Variants in RNF13 observed in about 807,000 individuals in gnomAD.
The protein encoded by RNF13 is E3 ubiquitin-protein ligase RNF13.
In RNF13, 19 loss-of-function variants were observed where a neutral mutation model predicts 37.7. That is an observed-to-expected ratio of 0.50 (90% CI 0.35 to 0.74). The LOEUF is 0.74. RNF13 is among the 30% of genes least tolerant of loss of function. The probability of loss-of-function intolerance (pLI) is 0.01; values close to 1 mark genes in which losing one functional copy is unlikely to be tolerated. For synonymous variants in RNF13, 144 were observed against 157.8 expected (o/e 0.91, Z 0.65); for missense variants, 375 against 453.0 (o/e 0.83, Z 1.56).
chr3:149,847,818 T>C (rs1722783100), intron 2 of RNF13, among the ~76,000 whole-genome samples: 1 of 152,198 alleles, frequency 6.6e-6, no homozygotes, highest in South Asian at 2.1e-4. Flanking sequence ...CCATTTTGTG[T>C]CTCTCTTTTT....
At chr3:149,847,647 G>A (rs1286760634) in intron 2 of RNF13, among the ~76,000 whole-genome samples, 2 of 152,026 alleles carry the variant, frequency 1.3e-5, no homozygotes, top group African/African-American at 4.8e-5. Context: ...TGGAAATAGA[G>A]CCTTTAAAGA....
rs551456741 is a variant in RNF13, at chr3:149,887,120, G to A, written c.322-8353G>A. On this transcript the variant is annotated intron_variant, in intron 4 of 9. Coordinates refer to ENST00000392894, the MANE Select transcript of RNF13 (RefSeq NM_183381.3). ...CTGACACCACCCTTCTTCATTCCCC[G>A]CCCGCTTCCCGGCAGCAACCACGCA... is the stretch of plus-strand genomic sequence containing the variant. Among the ~76,000 whole-genome samples the A allele has an allele frequency of 3.9e-5, 6 of 152,186 alleles. No homozygotes were observed. The South Asian group carries it at 1.0e-3, about 26-fold the overall frequency.
intron 7 of RNF13, among the ~76,000 whole-genome samples, chr3:149,915,373 T>G (rs1220215140): frequency 6.6e-6 from 1 of 152,170 alleles, no homozygotes; most frequent in Non-Finnish European, 1.5e-5. Context: ...GGGGCCACCT[T>G]GACATCAAAA....
chr3:149,819,476 C>T (rs1462342669), intron 1 of RNF13, among the ~76,000 whole-genome samples: 1 of 152,160 alleles, frequency 6.6e-6, no homozygotes. Flanking sequence ...AGTCACTTGC[C>T]TCTGATATTG....
chr3:149,858,780 CT>C (rs1422638464), intron 3 of RNF13, among the ~76,000 whole-genome samples: 1 of 152,194 alleles, frequency 6.6e-6, no homozygotes, highest in East Asian at 1.9e-4. Flanking sequence ...TTTATTTCCC[CT>C]CATCATTATT....
intron 1 of RNF13, among the ~76,000 whole-genome samples, chr3:149,828,071 C>T (rs754068305): frequency 4.6e-5 from 7 of 151,748 alleles, no homozygotes; most frequent in South Asian, 2.1e-4. Context: ...GAACTAAGTG[C>T]GAGTCATTGG....
intron 6 of RNF13, 27 bp downstream of exon 6, chr3:149,902,189 T>C (rs765458697): frequency 3.7e-6 from 4 of 1,082,460 alleles, no homozygotes; most frequent in Non-Finnish European, 4.0e-6. Flanking sequence ...AAAAATCATG[T>C]TGCTTAAAAT....
At chr3:149,849,493 G>C (rs1167185183) in intron 2 of RNF13, among the ~76,000 whole-genome samples, 3 of 152,166 alleles carry the variant, frequency 2.0e-5, no homozygotes, top group African/African-American at 7.2e-5. Flanking sequence ...TTGAAATCCA[G>C]CTCTACCACT....
At position 149,852,584 on chromosome 3, in the gene RNF13, T is replaced by C; in HGVS notation, c.183T>C (p.Ala61=). The change falls in exon 3 of 10, where the codon GCT becomes GCC. Residue 61 remains alanine (A), a synonymous_variant. Transcript: ENST00000392894. ...CAAGATTTGGTTATAGACTTCCAGC[T>C]GAAGGTTTAAAGGTAAGACAGTTGG... The part of the protein sequence containing the change: ...LPARFGYRLP[A]EGLKGFLINS... 1.3e-6 allele frequency: 2 copies of C among 1,546,808 alleles called. No individual in the cohort carries two copies. Among genetic ancestry groups the C allele is most frequent in the East Asian group, 4.6e-5 (2 of 43,394 alleles).
At chr3:149,876,841 C>T (rs1267694891) in intron 4 of RNF13, among the ~76,000 whole-genome samples, 3 of 143,172 alleles carry the variant, frequency 2.1e-5, no homozygotes, top group African/African-American at 7.9e-5. Flanking sequence ...TGCAGTAGCA[C>T]GGTCTTGGCT....
chr3:149,843,383 A>G (rs1464682109), intron 1 of RNF13, among the ~76,000 whole-genome samples: 1 of 152,198 alleles, frequency 6.6e-6, no homozygotes, highest in South Asian at 2.1e-4. Context: ...TCAAAGTATG[A>G]GCACTAGTTG....
rs1206844624 is a variant in RNF13, at chr3:149,837,227, AC to A, written c.-16-8783del. Among the ~76,000 whole-genome samples, 3 of 152,198 alleles carry A rather than the reference AC, an allele frequency of 2.0e-5. No homozygotes were observed. In the East Asian group the frequency reaches 5.8e-4, roughly 29 times the overall value. ...AAATAATTTTTCATGCATTTAGTAAACTTTTTATTATATAAATTCTCAAACA... is the reference window on the plus strand; with the variant it reads ...AAATAATTTTTCATGCATTTAGTAAATTTTTATTATATAAATTCTCAAACA... On this transcript the variant is annotated intron_variant, in intron 1 of 9. Coordinates refer to ENST00000392894, the MANE Select transcript of RNF13 (RefSeq NM_183381.3).
intron 1 of RNF13, among the ~76,000 whole-genome samples, chr3:149,834,701 C>T (rs887984660): frequency 5.3e-5 from 8 of 152,326 alleles, no homozygotes; most frequent in African/African-American, 1.4e-4. Context: ...TCACTTGCTG[C>T]TCTTGCTGTG....
At chr3:149,905,781 G>T (rs960653015) in intron 6 of RNF13, among the ~76,000 whole-genome samples, 3 of 149,980 alleles carry the variant, frequency 2.0e-5, no homozygotes, top group African/African-American at 4.9e-5. Flanking sequence ...TTCCAATGGG[G>T]TTTTTTTTTG....
intron 1 of RNF13, chr3:149,813,971 C>T (rs1719166445): frequency 6.6e-6 from 1 of 152,204 alleles, no homozygotes. Flanking sequence ...AGCAGTATCC[C>T]GGAAGCACTC....
At chr3:149,935,033 C>T (rs1264204233) in intron 8 of RNF13, among the ~76,000 whole-genome samples, 1 of 152,150 alleles carries the variant, frequency 6.6e-6, no homozygotes, top group African/African-American at 2.4e-5. Context: ...TTTCTCCTAA[C>T]GTGATCTGTC....
At chr3:149,899,895 T>A (rs572265122) in intron 5 of RNF13, among the ~76,000 whole-genome samples, 36 of 152,232 alleles carry the variant, frequency 2.4e-4, no homozygotes, top group Non-Finnish European at 4.4e-4. Flanking sequence ...TATTAGGCAA[T>A]CAAATGGAGA....
chr3:149,845,423 G>C (rs1722549174), intron 1 of RNF13, among the ~76,000 whole-genome samples: 1 of 152,180 alleles, frequency 6.6e-6, no homozygotes, highest in Non-Finnish European at 1.5e-5. Flanking sequence ...GAAGTTGGGA[G>C]AGGTAGTTAT....
intron 1 of RNF13, among the ~76,000 whole-genome samples, chr3:149,821,254 T>C (rs1719969115): frequency 6.6e-6 from 1 of 152,200 alleles, no homozygotes; most frequent in Admixed American, 6.5e-5. Flanking sequence ...CTTTCCACAG[T>C]AGCTAAACCA....
Sources: gnomAD v4.1 joint callset for allele counts (sites outside exome capture counted in the v4.1 genomes callset) on GRCh38, gnomAD v4.1.1 for gene constraint, MANE v1.5 for transcripts, NCBI Gene and HGNC (gene_info 2026-07-23, HGNC 2026-07-21) for gene names.